Variants in UGT1A10 observed in about 807,000 individuals in gnomAD.
UGT1A10 encodes UDP-glucuronosyltransferase 1A10.
A neutral mutation model predicts 45.8 loss-of-function variants in UGT1A10; 49 were observed. The observed-to-expected ratio is 1.07, with a 90% CI of 0.85 to 1.36. The LOEUF (loss-of-function observed/expected upper bound fraction) is 1.36, where lower values mean the gene tolerates loss of function less well. UGT1A10 is among the 40% of genes most tolerant of loss of function. The probability of loss-of-function intolerance (pLI) is 0.00; values close to 1 mark genes in which losing one functional copy is unlikely to be tolerated. For synonymous variants in UGT1A10, 284 were observed against 249.7 expected (o/e 1.14, Z -1.29); for missense variants, 745 against 668.6 (o/e 1.11, Z -1.26).
At chr2:233,640,780 G>A (rs2073430566) in intron 1 of UGT1A10, among the ~76,000 whole-genome samples, 1 of 152,054 alleles carries the variant, frequency 6.6e-6, no homozygotes, top group Non-Finnish European at 1.5e-5. Flanking sequence ...CTATACCCTT[G>A]GTCAGTAGGA....
At position 233,725,204 on chromosome 2, in the gene UGT1A10, AGAGGCAGAGGCAGAG is replaced by A. The variant is rs1441655481; in HGVS notation, c.856-41768_856-41754del. On this transcript the variant is annotated intron_variant, in intron 1 of 4. Coordinates refer to ENST00000344644, the MANE Select transcript of UGT1A10 (RefSeq NM_019075.4). ...GAGAGGCAGAGGCAGAGGCAGAGGC[AGAGGCAGAGGCAGAG>A]GAGGCAGAGGCAGAGGAGGCAGAGG... Among the ~76,000 whole-genome samples, 412 of 85,248 alleles carry A rather than the reference AGAGGCAGAGGCAGAG, an allele frequency of 4.8e-3. 82 individuals carry two copies. Among genetic ancestry groups the A allele is most frequent in the East Asian group, 0.012 (46 of 3,984 alleles). The allele number at this position is 85,248 out of a possible 152,430, so 55.9% of individuals were successfully genotyped here.
chr2:233,768,117 TGTGA>T, intron 3 of UGT1A10, 99 bp from the exon 4 acceptor site: 1 of 1,600,038 alleles, frequency 6.2e-7, no homozygotes, highest in Non-Finnish European at 8.5e-7. Flanking sequence ...TGCAAGGGCA[TGTGA>T]GTAACACTGA....
intron 1 of UGT1A10, chr2:233,693,247 G>A (rs376897810): frequency 4.6e-5 from 75 of 1,613,962 alleles, no homozygotes; most frequent in Middle Eastern, 1.6e-4. Flanking sequence ...ATCCAGTGCC[G>A]TATGACCAAG....
At chr2:233,659,355 T>C (rs2073920838) in intron 1 of UGT1A10, among the ~76,000 whole-genome samples, 3 of 152,174 alleles carry the variant, frequency 2.0e-5, no homozygotes, top group Non-Finnish European at 2.9e-5. Context: ...ATAACGTAAA[T>C]AGCCAATGAA....
intron 1 of UGT1A10, among the ~76,000 whole-genome samples, chr2:233,752,887 C>T (rs1345633016): frequency 1.1e-4 from 17 of 152,134 alleles, no homozygotes; most frequent in Admixed American, 1.1e-3. Flanking sequence ...TAAAACTAGC[C>T]AGCGTTGTTA....
chr2:233,714,925 G>A (rs1358582665), intron 1 of UGT1A10, among the ~76,000 whole-genome samples: 5 of 152,094 alleles, frequency 3.3e-5, no homozygotes, highest in African/African-American at 1.2e-4. Flanking sequence ...CACCCAGTCT[G>A]GAGTGCAGTG....
chr2:233,675,990 A>G (rs1181588502), intron 1 of UGT1A10, among the ~76,000 whole-genome samples: 2 of 152,236 alleles, frequency 1.3e-5, no homozygotes, highest in Non-Finnish European at 2.9e-5. Context: ...ATACAGATCA[A>G]TGGAATAGAA....
intron 1 of UGT1A10, chr2:233,738,809 G>T (rs149365680): frequency 6.6e-6 from 1 of 152,200 alleles, no homozygotes; most frequent in Non-Finnish European, 1.5e-5. Context: ...ACTAGCTAAA[G>T]AAATTTGAAT....
At chr2:233,640,488 C>T (rs1480423190) in intron 1 of UGT1A10, among the ~76,000 whole-genome samples, 1 of 152,132 alleles carries the variant, frequency 6.6e-6, no homozygotes, top group African/African-American at 2.4e-5. Context: ...ATTTCTAGCC[C>T]ATAATTAATT....
intron 1 of UGT1A10, among the ~76,000 whole-genome samples, chr2:233,706,927 T>G (rs2075931313): frequency 6.6e-6 from 1 of 152,158 alleles, no homozygotes; most frequent in African/African-American, 2.4e-5. Context: ...AGTATGAGTC[T>G]GGTGAGATGG....
At position 233,677,991 on chromosome 2, in the gene UGT1A10, A is replaced by G. The variant is rs184648971; in HGVS notation, c.855+40614A>G. 4.1e-3 allele frequency among the ~76,000 whole-genome samples: 623 copies of G among 152,320 alleles called. 2 individuals are homozygous for G. The highest frequency in any genetic ancestry group is 6.8e-3 in the Middle Eastern group (2 of 294). On this transcript the variant is annotated intron_variant, in intron 1 of 4. Transcript: ENST00000344644. ...ACTCCATGGAATATGCAGCCATAAAAAAAGAATGAAATCATGTCCTTTGTA... is the reference window on the plus strand; with the variant it reads ...ACTCCATGGAATATGCAGCCATAAAGAAAGAATGAAATCATGTCCTTTGTA...
intron 1 of UGT1A10, among the ~76,000 whole-genome samples, chr2:233,728,362 AC>A (rs1475063601): frequency 1.3e-5 from 2 of 152,120 alleles, no homozygotes; most frequent in East Asian, 3.9e-4. Flanking sequence ...AGCTCCCTGA[AC>A]CCACCATGGG....
At chr2:233,690,381 G>T in intron 1 of UGT1A10, 3 of 1,010,228 alleles carry the variant, frequency 3.0e-6, no homozygotes, top group Non-Finnish European at 4.0e-6. Context: ...TAGGGTCCAC[G>T]TTTCCAGACC....
At chr2:233,757,562 G>A (rs1976390) in intron 1 of UGT1A10, among the ~76,000 whole-genome samples, 12,378 of 80,798 alleles carry the variant, frequency 0.15, 1,302 homozygotes, top group African/African-American at 0.2. Context: ...ATATATATAT[G>A]TATATATGAT....
intron 1 of UGT1A10, among the ~76,000 whole-genome samples, chr2:233,666,668 CTTTAAG>C (rs1488390554): frequency 6.7e-6 from 1 of 150,160 alleles, no homozygotes; most frequent in African/African-American, 2.5e-5. Flanking sequence ...TATTATTGTA[CTTTAAG>C]TTTTAGAGTA....
chr2:233,749,922 T>G (rs1694307540), intron 1 of UGT1A10, among the ~76,000 whole-genome samples: 2 of 151,936 alleles, frequency 1.3e-5, no homozygotes, highest in South Asian at 4.1e-4. Context: ...GTGAGTCAAT[T>G]AAAGCTCTTT....
At chr2:233,686,147 A>C (rs1316143320) in intron 1 of UGT1A10, among the ~76,000 whole-genome samples, 1 of 152,190 alleles carries the variant, frequency 6.6e-6, no homozygotes, top group Non-Finnish European at 1.5e-5. Flanking sequence ...AATTAACTTG[A>C]AATGGATCAA....
chr2:233,675,570 C>A (rs1013799068), intron 1 of UGT1A10, among the ~76,000 whole-genome samples: 1 of 152,132 alleles, frequency 6.6e-6, no homozygotes, highest in East Asian at 1.9e-4. Flanking sequence ...GATCCAAATT[C>A]AAAGTTAGCT....
At chr2:233,660,448 C>T (rs1026969543) in intron 1 of UGT1A10, among the ~76,000 whole-genome samples, 1 of 152,170 alleles carries the variant, frequency 6.6e-6, no homozygotes, top group Non-Finnish European at 1.5e-5. Context: ...ATTTAAAAGA[C>T]AGTCCTTTAG....
Sources: gnomAD v4.1 joint callset for allele counts (sites outside exome capture counted in the v4.1 genomes callset) on GRCh38, gnomAD v4.1.1 for gene constraint, MANE v1.5 for transcripts, NCBI Gene and HGNC (gene_info 2026-07-23, HGNC 2026-07-21) for gene names.